PDE7B: variants seen among roughly 807,000 people sequenced by gnomAD.
PDE7B encodes the protein 3',5'-cyclic-AMP phosphodiesterase 7B.
In PDE7B, 29 loss-of-function variants were observed where a neutral mutation model predicts 56.2. The ratio of observed to expected loss-of-function variants is 0.52; its 90% confidence interval spans 0.38 to 0.70. The LOEUF (loss-of-function observed/expected upper bound fraction) is 0.70. Among genes scored for constraint, PDE7B ranks in the 30% least tolerant of loss-of-function variants. The pLI is 0.00. For synonymous variants in PDE7B, 197 were observed against 196.9 expected (o/e 1.00, Z 0.00); for missense variants, 490 against 565.0 (o/e 0.87, Z 1.35).
intron 2 of PDE7B, among the ~76,000 whole-genome samples, chr6:136,066,877 G>A (rs949518688): frequency 5.4e-4 from 79 of 147,300 alleles, no homozygotes; most frequent in African/African-American, 1.8e-3. Flanking sequence ...TTTGAAATGA[G>A]GCCTCACTGT....
intron 1 of PDE7B, among the ~76,000 whole-genome samples, chr6:135,923,649 T>C (rs1774132425): frequency 6.6e-6 from 1 of 152,130 alleles, no homozygotes; most frequent in Non-Finnish European, 1.5e-5. Flanking sequence ...TGAACACATA[T>C]AGTGGTCTTA....
In PDE7B at chr6:136,072,673, G is replaced by A. The variant is rs1002924155; in HGVS notation, c.83-36058G>A. ...ACTGAGAGCTTTTCTGGACATGGCC[G>A]TTCTGGCTAACTTTCATCTTGTCAT... On this transcript the variant is annotated intron_variant, in intron 2 of 12. Transcript: ENST00000308191. 9 of 152,220 alleles carry A rather than the reference G, an allele frequency of 5.9e-5. 1 individual carries two copies. The highest frequency in any genetic ancestry group is 4.1e-4 in the South Asian group (2 of 4,824). The allele number at this position is 152,220 out of a possible 1,614,324, so 9.4% of individuals were successfully genotyped here.
rs939106031 is a variant in PDE7B, at chr6:136,030,415, C to A, written c.83-78316C>A. On this transcript the variant is annotated intron_variant, in intron 2 of 12. Coordinates refer to ENST00000308191, the MANE Select transcript of PDE7B (RefSeq NM_018945.4). ...ACCTGTTAAAGAATGCAGCCTATTG[C>A]AAAGTTTACTTGATTCAACTTTTGT... 2.0e-5 allele frequency among the ~76,000 whole-genome samples: 3 copies of A among 152,174 alleles called. No homozygotes were observed. The East Asian group carries it at 5.8e-4, about 29-fold the overall frequency.
Position 135,879,868 on chromosome 6 carries a change from G to T in PDE7B, c.21+27849G>T, listed in dbSNP as rs139296070. Among the ~76,000 whole-genome samples, 408 of 152,250 alleles carry T rather than the reference G, an allele frequency of 2.7e-3. 2 individuals are homozygous for T. The highest frequency in any genetic ancestry group is 2.7e-3 in the Non-Finnish European group (187 of 68,018). The stretch of plus-strand genomic sequence containing the variant: ...AACTTCCTCAAGTTGTAATCTTATA[G>T]ATTGTATTGATGCTTGCTGATACAA... On this transcript the variant is annotated intron_variant, in intron 1 of 12. Transcript: ENST00000308191.
chr6:136,038,196 G>A (rs1427641211), intron 2 of PDE7B: 1 of 1,299,396 alleles, frequency 7.7e-7, no homozygotes, highest in Non-Finnish European at 1.0e-6. Flanking sequence ...AGCAGCAGCA[G>A]CAGCAGCAGA....
chr6:135,873,957 G>A (rs938422038), intron 1 of PDE7B, among the ~76,000 whole-genome samples: 1 of 152,176 alleles, frequency 6.6e-6, no homozygotes, highest in Non-Finnish European at 1.5e-5. Flanking sequence ...TCAGCAGTAA[G>A]CAAAATAGAT....
intron 2 of PDE7B, among the ~76,000 whole-genome samples, chr6:136,099,994 C>G (rs181359501): frequency 1.9e-4 from 29 of 152,310 alleles, no homozygotes; most frequent in Middle Eastern, 3.4e-3. Context: ...CTACATATGG[C>G]TAGCCAGTTT....
intron 1 of PDE7B, among the ~76,000 whole-genome samples, chr6:135,908,650 A>G (rs190806320): frequency 3.9e-4 from 59 of 152,328 alleles, no homozygotes; most frequent in African/African-American, 1.2e-3. Flanking sequence ...CCACAGGCAA[A>G]ATGAATAAAA....
intron 2 of PDE7B, among the ~76,000 whole-genome samples, chr6:136,007,662 A>G (rs1460398909): frequency 6.6e-6 from 1 of 151,872 alleles, no homozygotes; most frequent in African/African-American, 2.4e-5. Context: ...TGAAAAAAAA[A>G]AAAAAGAAAA....
chr6:135,994,877 G>A (rs754652033), intron 2 of PDE7B, among the ~76,000 whole-genome samples: 25 of 152,180 alleles, frequency 1.6e-4, no homozygotes, highest in Admixed American at 8.5e-4. Context: ...TAGAAACAGT[G>A]AGTGCTATCA....
chr6:136,019,070 G>A (rs904443515), intron 2 of PDE7B, among the ~76,000 whole-genome samples: 4 of 151,888 alleles, frequency 2.6e-5, no homozygotes, highest in Admixed American at 1.3e-4. Context: ...GAGACAATAT[G>A]CAAATTACTA....
At position 135,951,264 on chromosome 6, in the gene PDE7B, G is replaced by A. The variant is rs1774694215; in HGVS notation, c.82+3740G>A. ...TAAGATTTCACTCAAGTTCAAATTG[G>A]CCTCAGAAGTTTATATAATTATATC... On this transcript the variant is annotated intron_variant, in intron 2 of 12. Transcript: ENST00000308191. Among the ~76,000 whole-genome samples the A allele has an allele frequency of 2.6e-5, 4 of 151,968 alleles. No homozygotes were observed. In the South Asian group the frequency reaches 8.3e-4, roughly 32 times the overall value.
At chr6:135,951,585 G>T (rs1373413540) in intron 2 of PDE7B, among the ~76,000 whole-genome samples, 2 of 152,112 alleles carry the variant, frequency 1.3e-5, no homozygotes, top group Non-Finnish European at 2.9e-5. Context: ...CTTTCAAGAA[G>T]AAATTGCTGA....
intron 10 of PDE7B, 43 bp from the exon 11 acceptor site, chr6:136,181,184 A>G: frequency 1.4e-6 from 2 of 1,454,530 alleles, no homozygotes; most frequent in Non-Finnish European, 1.9e-6. Context: ...TGCAACTGAA[A>G]GAACATCCTC....
intron 2 of PDE7B, among the ~76,000 whole-genome samples, chr6:135,996,870 C>T (rs1480322950): frequency 6.6e-6 from 1 of 152,068 alleles, no homozygotes; most frequent in East Asian, 1.9e-4. Context: ...CGAGAAATAG[C>T]AATACCCACT....
intron 2 of PDE7B, chr6:136,064,777 G>A (rs182056670): frequency 1.4e-4 from 22 of 152,204 alleles, no homozygotes; most frequent in Admixed American, 1.3e-3. Flanking sequence ...CTGATGTCCC[G>A]ATTAGGAAGT....
At chr6:135,942,591 T>G (rs1030076794) in intron 1 of PDE7B, among the ~76,000 whole-genome samples, 1 of 152,164 alleles carries the variant, frequency 6.6e-6, no homozygotes. Flanking sequence ...CCTGAACTTA[T>G]CCCTCCTGTG....
At chr6:136,081,462 G>A (rs981230235) in intron 2 of PDE7B, among the ~76,000 whole-genome samples, 2 of 152,142 alleles carry the variant, frequency 1.3e-5, no homozygotes, top group African/African-American at 4.8e-5. Context: ...GTTTGTTGGG[G>A]GGATGGTGGT....
intron 1 of PDE7B, among the ~76,000 whole-genome samples, chr6:135,939,454 G>C (rs1240437341): frequency 6.6e-6 from 1 of 152,150 alleles, no homozygotes; most frequent in African/African-American, 2.4e-5. Context: ...CCTGCAATGG[G>C]ATAGAAATCT....
Sources: allele counts gnomAD v4.1 joint callset (sites outside exome capture counted in the v4.1 genomes callset), GRCh38; gene constraint gnomAD v4.1.1; transcripts MANE v1.5; gene names NCBI Gene and HGNC (gene_info 2026-07-23, HGNC 2026-07-21).